The following MCF2L variants were observed in gnomAD, a reference collection of about 807,000 sequenced individuals.
The protein encoded by MCF2L is MCF.2 cell line derived transforming sequence like, also known as guanine nucleotide exchange factor DBS.
A neutral mutation model predicts 153.4 loss-of-function variants in MCF2L; 97 were observed. The observed-to-expected ratio is 0.63, with a 90% CI of 0.54 to 0.75. The LOEUF (loss-of-function observed/expected upper bound fraction) is 0.75, where lower values mean the gene tolerates loss of function less well. Ranked by LOEUF, MCF2L falls within the 30% of genes least tolerant of loss-of-function variation. MCF2L has a pLI of 0.00. For missense variants in MCF2L, 1,347 were observed against 1,495.2 expected (o/e 0.90, Z 1.64); for synonymous variants, 659 against 632.2 (o/e 1.04, Z -0.64).
At chr13:113,095,039 C>G in intron 27 of MCF2L, 1 of 1,372,624 alleles carries the variant, frequency 7.3e-7, no homozygotes, top group South Asian at 1.1e-5. Flanking sequence ...CCCCACCCCC[C>G]TACCCTTTAT....
intron 2 of MCF2L, among the ~76,000 whole-genome samples, chr13:112,926,401 C>G (rs1235819556): frequency 6.8e-6 from 1 of 146,462 alleles, no homozygotes; most frequent in Non-Finnish European, 1.5e-5. Flanking sequence ...ACGGCCTGGT[C>G]TACATATACA....
At position 113,001,843 on chromosome 13, in the gene MCF2L, ATCCTT is replaced by A. The variant is rs1341305273; in HGVS notation, c.80-12918_80-12914del. The A allele has an allele frequency of 8.2e-4, 1,247 of 1,524,180 alleles. 2 individuals are homozygous for A. The highest frequency in any genetic ancestry group is 1.7e-3 in the South Asian group (141 of 81,076). The allele number at this position is 1,524,180 out of a possible 1,614,324, so 94.4% of individuals were successfully genotyped here. On this transcript the variant is annotated intron_variant, in intron 1 of 29. Coordinates refer to ENST00000535094, the MANE Select transcript of MCF2L (RefSeq NM_001112732.3). ...GCCAAGATGGTGCTGGTGCTGCGCCATCCTTTGTGTGCCCGGGAAGGGCGTTCCGG... is the reference window on the plus strand; with the variant it reads ...GCCAAGATGGTGCTGGTGCTGCGCCATGTGTGCCCGGGAAGGGCGTTCCGG...
intron 12 of MCF2L, among the ~76,000 whole-genome samples, chr13:113,076,789 C>CA (rs1259466282): frequency 6.6e-6 from 1 of 152,266 alleles, no homozygotes; most frequent in Non-Finnish European, 1.5e-5. Flanking sequence ...GAGCCCTCCA[C>CA]ATGCCTGGGG....
chr13:113,024,758 G>C lies in MCF2L; in HGVS notation c.278G>C (p.Ser93Thr). The change falls in exon 3 of 30, where the codon AGC (serine) becomes ACC (threonine). Residue 93 changes from serine (S) to threonine (T), a missense_variant and splice_region_variant. Physicochemically the swap from Ser to Thr is moderately conservative, Grantham distance 58. Coordinates refer to ENST00000535094, the MANE Select transcript of MCF2L (RefSeq NM_001112732.3). Reference sequence around the variant, plus strand: ...ATGACCTACCTCACCAGCATCCCCAGGTACGTGCACCCAGAGCCCGGCAGA... The same window carrying C: ...ATGACCTACCTCACCAGCATCCCCACGTACGTGCACCCAGAGCCCGGCAGA... ...NVMTYLTSIP[S>T]LQDAGIGFIL... 2 of 1,611,368 alleles carry C rather than the reference G, an allele frequency of 1.2e-6. No homozygotes were observed. Among genetic ancestry groups the C allele is most frequent in the Non-Finnish European group, 1.7e-6 (2 of 1,177,456 alleles).
chr13:113,045,105 G>A lies in MCF2L; in HGVS notation c.279-166G>A. 1.1e-6 allele frequency: 1 copy of A among 909,336 alleles called. No homozygotes were observed. Among genetic ancestry groups the A allele is most frequent in the East Asian group, 2.6e-5 (1 of 38,038 alleles). 56.3% of individuals were successfully genotyped at this position (909,336 alleles called of 1,614,324 possible). On this transcript the variant is annotated intron_variant, in intron 3 of 29. Coordinates refer to ENST00000535094, the MANE Select transcript of MCF2L (RefSeq NM_001112732.3). This position sits in a 1 kb window ranked among gnomAD's most constrained non-coding sequence, Gnocchi z 4.2. The stretch of plus-strand genomic sequence containing the variant: ...ATGAGAGCAGGTTCTGGGACTGCGG[G>A]GATGGGGCTGCCGGGGCCCCCGTGT...
At position 113,074,295 on chromosome 13, in the gene MCF2L, G is replaced by T; in HGVS notation, c.997-149G>T. 1 of 983,074 alleles carries T rather than the reference G, an allele frequency of 1.0e-6. No individual in the cohort carries two copies. Among genetic ancestry groups the T allele is most frequent in the South Asian group, 1.6e-5 (1 of 61,006 alleles). 60.9% of individuals were successfully genotyped at this position (983,074 alleles called of 1,614,324 possible). A position where few individuals can be genotyped will look rare whatever the true frequency, so the allele number is the denominator to read the frequency against. Reference sequence around the variant, plus strand: ...TTGGTGACCACTCGGGGCCGACTTTGCACCTGTCTGACTGTGGTCCCTGCT... The same window carrying T: ...TTGGTGACCACTCGGGGCCGACTTTTCACCTGTCTGACTGTGGTCCCTGCT... On this transcript the variant is annotated intron_variant, in intron 9 of 29. Coordinates refer to ENST00000535094, the MANE Select transcript of MCF2L (RefSeq NM_001112732.3). This position sits in a 1 kb window ranked among gnomAD's most constrained non-coding sequence, Gnocchi z 4.2.
intron 12 of MCF2L, among the ~76,000 whole-genome samples, chr13:113,076,728 G>A (rs1337620762): frequency 6.6e-6 from 1 of 152,250 alleles, no homozygotes. Context: ...TGTTCTTCAG[G>A]AAGGGCCTGG....
chr13:113,064,457 C>T lies in MCF2L; in HGVS notation c.606+37C>T. 7.6e-7 allele frequency: 1 copy of T among 1,312,172 alleles called. No individual in the cohort carries two copies. The highest frequency in any genetic ancestry group is 1.1e-6 in the Non-Finnish European group (1 of 910,948). 81.3% of individuals were successfully genotyped at this position (1,312,172 alleles called of 1,614,324 possible). A position where few individuals can be genotyped will look rare whatever the true frequency, so the allele number is the denominator to read the frequency against. ...CGGGGCCAGCGGGGCTGGCTGATACCAGCTCGAGTACTTCCACAGAATCGC... is the reference window on the plus strand; with the variant it reads ...CGGGGCCAGCGGGGCTGGCTGATACTAGCTCGAGTACTTCCACAGAATCGC... On this transcript the variant is annotated intron_variant, in intron 6 of 29. Transcript: ENST00000535094. This position sits in a 1 kb window ranked among gnomAD's most constrained non-coding sequence, Gnocchi z 6.0.
chr13:113,005,732 C>T (rs2141094447), intron 1 of MCF2L, among the ~76,000 whole-genome samples: 1 of 152,250 alleles, frequency 6.6e-6, no homozygotes, highest in African/African-American at 2.4e-5. Context: ...GTTGGGTATT[C>T]TAACTGTAAA....
intron 2 of MCF2L, among the ~76,000 whole-genome samples, chr13:112,937,930 G>C (rs113944118): frequency 1.9e-3 from 74 of 38,514 alleles, no homozygotes; most frequent in Middle Eastern, 0.011. Context: ...GTTCATTCAG[G>C]TGATCTCTGA....
intron 15 of MCF2L, 71 bp downstream of exon 15, chr13:113,078,810 C>A: frequency 7.3e-7 from 1 of 1,361,492 alleles, no homozygotes; most frequent in South Asian, 1.3e-5. Flanking sequence ...TGCCGTCAGG[C>A]ACTCGAGCAG....
chr13:113,096,793 C>G lies in MCF2L; in HGVS notation c.3312C>G (p.Ala1104=), dbSNP rs763694097. 5 of 1,561,886 alleles carry G rather than the reference C, an allele frequency of 3.2e-6. No individual in the cohort carries two copies. Among genetic ancestry groups the G allele is most frequent in the Middle Eastern group, 1.8e-4 (1 of 5,670 alleles). Residue 1104 remains alanine (A), a synonymous_variant, in exon 30 of 30, where the codon GCC becomes GCG. Transcript: ENST00000535094. The part of the protein sequence containing the change: ...LSSSESSPGS[A]VLSNSSSCSE... Reference sequence around the variant, plus strand: ...CCGCAGAGTCGAGCCCGGGGTCGGCCGTGCTGAGCAACTCGTCCAGCTGCA... The same window carrying G: ...CCGCAGAGTCGAGCCCGGGGTCGGCGGTGCTGAGCAACTCGTCCAGCTGCA...
chr13:112,962,692 G>A (rs987368819), intron 2 of MCF2L, among the ~76,000 whole-genome samples: 1 of 152,140 alleles, frequency 6.6e-6, no homozygotes, highest in South Asian at 2.1e-4. Context: ...CTCCCTAGCC[G>A]TTCTCCCGGG....
rs1274384294 is a variant in MCF2L, at chr13:112,994,430, G to T, written c.80-20333G>T. On this transcript the variant is annotated intron_variant, in intron 1 of 29. Transcript: ENST00000535094. ...TGTGCCAGTGTCTCGGGCAGGGGCT[G>T]GCAGGGCTGCCCAGGAGGCTGTCGG... Among the ~76,000 whole-genome samples the T allele has an allele frequency of 3.9e-5, 6 of 152,362 alleles. No individual in the cohort carries two copies. The East Asian group carries it at 1.2e-3, about 29-fold the overall frequency.
intron 4 of MCF2L, among the ~76,000 whole-genome samples, chr13:113,050,276 CTGTGAGTG>C (rs4061185): frequency 6.7e-6 from 1 of 149,274 alleles, no homozygotes; most frequent in Non-Finnish European, 1.5e-5. Flanking sequence ...GTGTGTGAGA[CTGTGAGTG>C]TGAGAGTGTG....
At chr13:112,966,851 G>A (rs1227936428), upstream of MCF2L, among the ~76,000 whole-genome samples, 1 of 152,214 alleles carries the variant, frequency 6.6e-6, no homozygotes, top group Non-Finnish European at 1.5e-5. The surrounding 1 kb of genome is among the most constrained non-coding windows in gnomAD (Gnocchi z 4.1). Context: ...CAACATCCCA[G>A]GAAATTTTGC....
At chr13:113,077,804 G>A (rs1316439003) in intron 13 of MCF2L, among the ~76,000 whole-genome samples, 2 of 152,186 alleles carry the variant, frequency 1.3e-5, no homozygotes, top group Non-Finnish European at 2.9e-5. Context: ...TCCCATCCTT[G>A]CTGGTTTCTC....
chr13:112,965,779 C>T (rs538213886), upstream of MCF2L: 1 of 152,338 alleles, frequency 6.6e-6, no homozygotes, highest in South Asian at 2.1e-4. Context: ...TGTTTGGTAT[C>T]CAGGTGTCGC....
At chr13:113,007,008 G>A (rs2083748121) in intron 1 of MCF2L, among the ~76,000 whole-genome samples, 1 of 152,178 alleles carries the variant, frequency 6.6e-6, no homozygotes, top group Non-Finnish European at 1.5e-5. Context: ...ACTCTGGAAG[G>A]AACCTGCGTC....
Sources: allele counts gnomAD v4.1 joint callset (sites outside exome capture counted in the v4.1 genomes callset), GRCh38; gene constraint gnomAD v4.1.1; non-coding constraint Gnocchi (gnomAD v3.1); transcripts MANE v1.5; gene names NCBI Gene and HGNC (gene_info 2026-07-23, HGNC 2026-07-21).